The following CTSG variants were observed in gnomAD, a reference collection of about 807,000 sequenced individuals.
CTSG encodes the protein cathepsin G.
Under a neutral mutation model 23.0 loss-of-function variants are expected in CTSG, and 23 were observed. The ratio of observed to expected loss-of-function variants is 1.00; its 90% CI spans 0.72 to 1.42. The LOEUF (loss-of-function observed/expected upper bound fraction) is 1.42. Among genes scored for constraint, CTSG ranks in the 40% most tolerant of loss-of-function variants. The pLI is 0.00. For synonymous variants in CTSG, 140 were observed against 130.4 expected (o/e 1.07, Z -0.50); for missense variants, 312 against 326.2 (o/e 0.96, Z 0.33).
intron 2 of CTSG, 159 bp downstream of exon 2, chr14:24,575,106 T>C: frequency 1.3e-6 from 1 of 779,792 alleles, no homozygotes; most frequent in Admixed American, 2.8e-5. Flanking sequence ...TTATCCTCCT[T>C]TCCTCCTCAT....
chr14:24,575,374 G>T lies in CTSG; in HGVS notation c.94C>A (p.Arg32Ser), dbSNP rs916877861. The T allele has an allele frequency of 6.2e-7, 1 of 1,614,068 alleles. No individual in the cohort carries two copies. The highest frequency in any genetic ancestry group is 1.3e-5 in the African/African-American group (1 of 74,924). ...IGGRESRPHS[R>S]PYMAYLQIQS... ...ATCTGAAGATACGCCATGTAGGGGC[G>T]GGAGTGGGGCCTGCTCTCCCGGCCT... The change falls in exon 2 of 5, where the codon CGC (arginine) becomes AGC (serine). Residue 32 changes from arginine (R) to serine (S), a missense_variant. By Grantham distance (110) the Arg-to-Ser change is moderately radical. Transcript: ENST00000216336.
intron 2 of CTSG, 89 bp downstream of exon 2, chr14:24,575,176 G>T: frequency 6.7e-7 from 1 of 1,494,280 alleles, no homozygotes; most frequent in Non-Finnish European, 9.2e-7. Flanking sequence ...CCCTTTCATT[G>T]CTACAACTCT....
rs752443546 is a variant in CTSG at position 24,574,361 on chromosome 14, G to A, written c.478C>T (p.Arg160Ter). The A allele has an allele frequency of 4.3e-6, 7 of 1,609,272 alleles. No homozygotes were observed. The East Asian group carries it at 8.9e-5, about 20-fold the overall frequency. The change falls in exon 4 of 5, where the codon CGA (arginine) becomes TGA (stop). Residue 160 changes from arginine (R) to a stop codon, truncating the protein, a stop_gained. Coordinates refer to ENST00000216336, the MANE Select transcript of CTSG (RefSeq NM_001911.3). LOFTEE classifies it high-confidence loss of function. Reference sequence around the variant, plus strand: ...CTCTGCACTCTCAGCTGCACCTCTCGGAGTGTATCTGTTCCCCTCCTCATG... The same window carrying A: ...CTCTGCACTCTCAGCTGCACCTCTCAGAGTGTATCTGTTCCCCTCCTCATG... Reference protein sequence around the residue: ...VSMRRGTDTLREVQLRVQRDR... With the variant: ...VSMRRGTDTL
At chr14:24,576,075 G>A (rs992202278) in intron 1 of CTSG, 94 bp downstream of exon 1, 28 of 974,034 alleles carry the variant, frequency 2.9e-5, no homozygotes, top group Non-Finnish European at 4.0e-5. Flanking sequence ...CAAATAACTT[G>A]CTCAACAGTA....
chr14:24,574,928 G>A, intron 2 of CTSG, 118 bp from the exon 3 acceptor site: 5 of 1,300,796 alleles, frequency 3.8e-6, no homozygotes, highest in Non-Finnish European at 5.4e-6. Flanking sequence ...GGGATGGGAG[G>A]GCCCTGGGGC....
At position 24,574,739 on chromosome 14, in the gene CTSG, C is replaced by T. The variant is rs776528889; in HGVS notation, c.275G>A (p.Arg92His). 5 of 1,614,152 alleles carry T rather than the reference C, an allele frequency of 3.1e-6. No individual in the cohort carries two copies. Among genetic ancestry groups the T allele is most frequent in the East Asian group, 4.5e-5 (2 of 44,868 alleles). Residue 92 changes from arginine (R) to histidine (H), a missense_variant, in exon 3 of 5, where the codon CGC becomes CAC. Transcript: ENST00000216336. The stretch of plus-strand genomic sequence containing the variant: ...ATATTGAGGGTGGCGGATGGCTCTG[C>T]GCGCAGTGATGTGTTGCTGGGTGTT... ...RENTQQHITARRAIRHPQYNQ... is the reference protein window; with the variant it reads ...RENTQQHITAHRAIRHPQYNQ...
At chr14:24,574,557 G>A (rs1479489783) in intron 3 of CTSG, 58 bp from the exon 4 acceptor site, 6 of 1,611,320 alleles carry the variant, frequency 3.7e-6, no homozygotes, top group Non-Finnish European at 5.1e-6. Flanking sequence ...AGGCTCGGGG[G>A]TCGCTGGTGC....
At chr14:24,575,539 T>A in intron 1 of CTSG, 127 bp from the exon 2 acceptor site, 1 of 1,004,000 alleles carries the variant, frequency 1.0e-6, no homozygotes, top group Non-Finnish European at 1.5e-6. Flanking sequence ...AGGGAGGAGA[T>A]GGTGCTGAGG....
In CTSG at chr14:24,573,738, C is replaced by T. The variant is rs2066726312; in HGVS notation, c.667G>A (p.Val223Ile). ...ACCCTGGTGAAGACTTCTGGAGGAA[C>T]CCCTGACGACTTTCCATAGGAGACG... Reference protein sequence around the residue: ...GIVSYGKSSGVPPEVFTRVSS... With the variant: ...GIVSYGKSSGIPPEVFTRVSS... Residue 223 changes from valine to isoleucine, a missense_variant, in exon 5 of 5, where the codon GTT (valine) becomes ATT (isoleucine). Val to Ile is a conservative substitution (Grantham distance 29, BLOSUM62 3). Transcript: ENST00000216336. 2 of 1,614,112 alleles carry T rather than the reference C, an allele frequency of 1.2e-6. No homozygotes were observed. Among genetic ancestry groups the T allele is most frequent in the South Asian group, 2.2e-5 (2 of 91,084 alleles).
At chr14:24,575,554 G>T in intron 1 of CTSG, 142 bp from the exon 2 acceptor site, 1 of 852,160 alleles carries the variant, frequency 1.2e-6, no homozygotes, top group Non-Finnish European at 1.9e-6. Context: ...CTGAGGCTTG[G>T]AGTCTATGGG....
chr14:24,574,717 T>C lies in CTSG; in HGVS notation c.297A>G (p.Gln99=). ...ITARRAIRHP[Q]YNQRTIQNDI... ...CATTCTGGATGGTCCGCTGATTATA[T>C]TGAGGGTGGCGGATGGCTCTGCGCG... Residue 99 remains glutamine, a synonymous_variant, in exon 3 of 5, where the codon CAA becomes CAG. Transcript: ENST00000216336. 6.2e-7 allele frequency: 1 copy of C among 1,614,174 alleles called. No individual in the cohort carries two copies.
At chr14:24,575,187 T>G in intron 2 of CTSG, 78 bp downstream of exon 2, 1 of 1,552,484 alleles carries the variant, frequency 6.4e-7, no homozygotes, top group Non-Finnish European at 8.9e-7. Context: ...CTACAACTCT[T>G]CTTTCAGATG....
At chr14:24,573,875 G>GCACAATTTCT in intron 4 of CTSG, 65 bp from the exon 5 acceptor site, 1 of 1,483,718 alleles carries the variant, frequency 6.7e-7, no homozygotes, top group Non-Finnish European at 9.2e-7. Context: ...CTGAGCTCCG[G>GCACAATTTCT]GCTCTCAGGG....
In CTSG at chr14:24,576,160, G is replaced by A. The variant is rs2066740751; in HGVS notation, c.55+9C>T. On this transcript the variant is annotated intron_variant, in intron 1 of 4. Transcript: ENST00000216336. ...GGTCAGGCCTCTGAGGGTGGGGATG[G>A]TCACTCACCTGCCTCAGCCCCAGTG... 1 of 1,607,720 alleles carries A rather than the reference G, an allele frequency of 6.2e-7. No individual in the cohort carries two copies. The highest frequency in any genetic ancestry group is 2.2e-5 in the East Asian group (1 of 44,752).
chr14:24,576,220 G>T lies in CTSG; in HGVS notation c.4C>A (p.Gln2Lys), dbSNP rs2066741132. 2 of 1,607,146 alleles carry T rather than the reference G, an allele frequency of 1.2e-6. No homozygotes were observed. The highest frequency in any genetic ancestry group is 1.7e-6 in the Non-Finnish European group (2 of 1,177,048). The part of the protein sequence containing the change: M[Q>K]PLLLLLAFLL... ...AAGGCCAGCAGAAGCAGGAGTGGCT[G>T]CATCTTTCCTGAAAGGCTGCCCAGT... Residue 2 changes from glutamine (Q) to lysine (K), a missense_variant, in exon 1 of 5, where the codon CAG (glutamine) becomes AAG (lysine). By Grantham distance (53) the Gln-to-Lys change is moderately conservative (BLOSUM62 1). Transcript: ENST00000216336.
At chr14:24,574,929 G>A (rs2066734552) in intron 2 of CTSG, 119 bp from the exon 3 acceptor site, 1 of 1,299,382 alleles carries the variant, frequency 7.7e-7, no homozygotes, top group Non-Finnish European at 1.1e-6. Flanking sequence ...GGATGGGAGG[G>A]CCCTGGGGCT....
At chr14:24,575,894 A>C (rs1040102539) in intron 1 of CTSG, among the ~76,000 whole-genome samples, 1 of 152,190 alleles carries the variant, frequency 6.6e-6, no homozygotes, top group Admixed American at 6.5e-5. Flanking sequence ...CCTCCTAGGT[A>C]GGGTCTGACA....
intron 4 of CTSG, 92 bp from the exon 5 acceptor site, chr14:24,573,902 G>T: frequency 1.6e-6 from 2 of 1,218,054 alleles, no homozygotes; most frequent in Non-Finnish European, 2.3e-6. Flanking sequence ...GGGGTGGGTG[G>T]GCCCCTTCAA....
At position 24,574,737 on chromosome 14, in the gene CTSG, T is replaced by C. The variant is rs1314697461; in HGVS notation, c.277A>G (p.Arg93Gly). Residue 93 changes from arginine to glycine, a missense_variant, in exon 3 of 5, where the codon AGA becomes GGA. Coordinates refer to ENST00000216336, the MANE Select transcript of CTSG (RefSeq NM_001911.3). ...ENTQQHITAR[R>G]AIRHPQYNQR... ...TTATATTGAGGGTGGCGGATGGCTC[T>C]GCGCGCAGTGATGTGTTGCTGGGTG... is the stretch of plus-strand genomic sequence containing the variant. 2 of 1,614,220 alleles carry C rather than the reference T, an allele frequency of 1.2e-6. No individual in the cohort carries two copies. The highest frequency in any genetic ancestry group is 2.2e-5 in the South Asian group (2 of 91,086).
Sources: gnomAD v4.1 joint callset for allele counts (sites outside exome capture counted in the v4.1 genomes callset) on GRCh38, gnomAD v4.1.1 for gene constraint, MANE v1.5 for transcripts, NCBI Gene and HGNC (gene_info 2026-07-23, HGNC 2026-07-21) for gene names.